Variants in TRAPPC9 observed in about 807,000 individuals in gnomAD.
TRAPPC9 encodes the protein IKK2 binding protein.
TRAPPC9 carries 83 observed loss-of-function variants against 124.0 expected under a neutral mutation model. The ratio of observed to expected loss-of-function variants is 0.67; its 90% CI spans 0.56 to 0.80. The LOEUF is 0.80. Among genes scored for constraint, TRAPPC9 ranks in the 30% least tolerant of loss-of-function variants. TRAPPC9 has a pLI of 0.00. For missense variants in TRAPPC9, 1,302 were observed against 1,508.3 expected, an observed-to-expected ratio of 0.86 and a Z score of 2.27; for synonymous variants, 638 against 617.5, an observed-to-expected ratio of 1.03 and a Z score of -0.49.
chr8:140,400,191 C>T (rs911197635), intron 6 of TRAPPC9, among the ~76,000 whole-genome samples: 2 of 152,162 alleles, frequency 1.3e-5, no homozygotes, highest in Non-Finnish European at 2.9e-5. Flanking sequence ...TTATCAGCAG[C>T]ATGAAAATGG....
At chr8:140,039,923 C>T (rs1016585724) in intron 17 of TRAPPC9, 4 of 152,202 alleles carry the variant, frequency 2.6e-5, no homozygotes, top group African/African-American at 9.7e-5. Flanking sequence ...TATGAGTCCA[C>T]AACTCTAAAG....
chr8:140,210,749 T>C (rs1453417554), intron 17 of TRAPPC9, among the ~76,000 whole-genome samples: 1 of 152,184 alleles, frequency 6.6e-6, no homozygotes, highest in Non-Finnish European at 1.5e-5. Context: ...GCACCATTGC[T>C]TCTGTGGATG....
intron 17 of TRAPPC9, among the ~76,000 whole-genome samples, chr8:140,060,811 G>A (rs2132137981): frequency 6.6e-6 from 1 of 152,316 alleles, no homozygotes; most frequent in South Asian, 2.1e-4. Flanking sequence ...GCAGCAGGAG[G>A]GCAGGCCTGG....
chr8:140,269,820 C>T lies in TRAPPC9; in HGVS notation c.2278+5838G>A, dbSNP rs112321725. ...AGACATAAGGAACACCAAGGATGGT[C>T]GGGCACGGTCGCTCGTGCCTGTAAT... is the stretch of plus-strand genomic sequence containing the variant. On this transcript the variant is annotated intron_variant, in intron 15 of 22. Coordinates refer to ENST00000438773, the MANE Select transcript of TRAPPC9 (RefSeq NM_001160372.4). Among the ~76,000 whole-genome samples, 17 of 152,188 alleles carry T rather than the reference C, an allele frequency of 1.1e-4. No individual in the cohort carries two copies. In the East Asian group the frequency reaches 1.5e-3, roughly 14 times the overall value.
chr8:140,375,455 T>C (rs1456571521), intron 7 of TRAPPC9, among the ~76,000 whole-genome samples: 1 of 152,082 alleles, frequency 6.6e-6, no homozygotes, highest in Non-Finnish European at 1.5e-5. Flanking sequence ...ATTCTGTTAA[T>C]AAGAAATAAA....
chr8:140,223,179 C>T (rs537362714), intron 16 of TRAPPC9, among the ~76,000 whole-genome samples: 1 of 152,290 alleles, frequency 6.6e-6, no homozygotes, highest in African/African-American at 2.4e-5. Flanking sequence ...CCTCACTCCA[C>T]CCCACAACAG....
chr8:139,836,809 A>G (rs1021806805), intron 21 of TRAPPC9, among the ~76,000 whole-genome samples: 2 of 152,214 alleles, frequency 1.3e-5, no homozygotes, highest in African/African-American at 4.8e-5. Flanking sequence ...AAGCTAAAAA[A>G]TAGGATCTTT....
At chr8:140,432,688 C>T (rs1252133671) in intron 4 of TRAPPC9, among the ~76,000 whole-genome samples, 3 of 151,540 alleles carry the variant, frequency 2.0e-5, no homozygotes, top group African/African-American at 4.8e-5. Flanking sequence ...CTGGCTAACA[C>T]GGTGAAATCC....
At chr8:139,970,007 A>C (rs1182965894) in intron 19 of TRAPPC9, among the ~76,000 whole-genome samples, 1 of 152,212 alleles carries the variant, frequency 6.6e-6, no homozygotes, top group Admixed American at 6.5e-5. Flanking sequence ...CAGTACGCAA[A>C]AAATGTTGTG....
chr8:139,797,850 G>A (rs1390385051), intron 21 of TRAPPC9, among the ~76,000 whole-genome samples: 2 of 152,212 alleles, frequency 1.3e-5, no homozygotes, highest in Non-Finnish European at 2.9e-5. Flanking sequence ...TCAGTCTGTT[G>A]ATCTGTACGT....
At chr8:140,122,329 T>TCTAAGCAGCTTGTCTGACC (rs1345601113) in intron 17 of TRAPPC9, among the ~76,000 whole-genome samples, 7 of 152,200 alleles carry the variant, frequency 4.6e-5, no homozygotes. Context: ...CTTGTCAGAC[T>TCTAAGCAGCTTGTCTGACC]CTAAGCAGCT....
chr8:140,115,386 C>T (rs1197770191), intron 17 of TRAPPC9, among the ~76,000 whole-genome samples: 4 of 151,920 alleles, frequency 2.6e-5, no homozygotes, highest in African/African-American at 9.7e-5. Context: ...TCTGCCTCAG[C>T]CTCCAGAGGA....
chr8:140,447,528 T>C (rs2071312370), intron 2 of TRAPPC9, among the ~76,000 whole-genome samples: 1 of 151,934 alleles, frequency 6.6e-6, no homozygotes, highest in Non-Finnish European at 1.5e-5. Flanking sequence ...ATTAGAAACA[T>C]ATAAGAACAG....
intron 10 of TRAPPC9, among the ~76,000 whole-genome samples, chr8:140,303,590 C>A (rs553119494): frequency 6.6e-6 from 1 of 152,206 alleles, no homozygotes; most frequent in Non-Finnish European, 1.5e-5. Flanking sequence ...GATGAGATCA[C>A]GCTTGGCCAC....
intron 18 of TRAPPC9, among the ~76,000 whole-genome samples, chr8:140,013,908 G>T (rs1384117527): frequency 6.6e-6 from 1 of 152,200 alleles, no homozygotes; most frequent in Non-Finnish European, 1.5e-5. Flanking sequence ...AAACCACAGC[G>T]CCAATGAGCA....
chr8:140,321,768 G>A (rs1321396641), intron 9 of TRAPPC9, among the ~76,000 whole-genome samples: 2 of 152,218 alleles, frequency 1.3e-5, no homozygotes, highest in African/African-American at 2.4e-5. Context: ...AGAGGGCAAC[G>A]TGCAGTACAC....
At chr8:140,354,945 C>T (rs1435371577) in intron 9 of TRAPPC9, among the ~76,000 whole-genome samples, 1 of 152,194 alleles carries the variant, frequency 6.6e-6, no homozygotes, top group Non-Finnish European at 1.5e-5. Flanking sequence ...TCTCAGACGA[C>T]TCCAATTAAC....
intron 6 of TRAPPC9, among the ~76,000 whole-genome samples, chr8:140,400,345 G>C (rs1198831619): frequency 6.6e-6 from 1 of 152,208 alleles, no homozygotes; most frequent in East Asian, 1.9e-4. Context: ...TATGACCACA[G>C]TAGCTTGCTA....
At chr8:139,745,189 C>T (rs1002982287) in intron 21 of TRAPPC9, among the ~76,000 whole-genome samples, 4 of 152,246 alleles carry the variant, frequency 2.6e-5, no homozygotes, top group Admixed American at 1.3e-4. Flanking sequence ...ACACCCTCCA[C>T]GGATACCAGG....
Sources: gnomAD v4.1 joint callset for allele counts (sites outside exome capture counted in the v4.1 genomes callset) on GRCh38, gnomAD v4.1.1 for gene constraint, MANE v1.5 for transcripts, NCBI Gene and HGNC (gene_info 2026-07-23, HGNC 2026-07-21) for gene names.